Variants in APOO observed in about 807,000 individuals in gnomAD.
APOO encodes the protein apolipoprotein O.
In APOO, 11 loss-of-function variants were observed where a neutral mutation model predicts 23.1. That is an observed-to-expected ratio of 0.48 (90% CI 0.30 to 0.79). APOO has a LOEUF of 0.79. Among genes scored for constraint, APOO ranks in the 30% least tolerant of loss-of-function variants. The pLI, the probability that APOO is intolerant of heterozygous loss-of-function variation, is 0.07. For synonymous variants in APOO, 59 were observed against 54.8 expected (o/e 1.08, Z -0.34); for missense variants, 160 against 142.7 (o/e 1.12, Z -0.62).
At chrX:23,842,846 T>C (rs1924050849) in intron 7 of APOO, among the ~76,000 whole-genome samples, 1 of 111,339 alleles carries the variant, frequency 9.0e-6, no homozygotes, top group Non-Finnish European at 1.9e-5. Flanking sequence ...CCGTCTCTAC[T>C]AAAAATACAA....
intron 1 of APOO, among the ~76,000 whole-genome samples, chrX:23,893,261 CA>C (rs749472447): frequency 6.1e-4 from 45 of 74,052 alleles, no homozygotes; most frequent in Middle Eastern, 6.8e-3. Flanking sequence ...ACTAAAAATA[CA>C]AAAAAAAAAA....
intron 1 of APOO, among the ~76,000 whole-genome samples, chrX:23,889,523 G>C (rs1926530907): frequency 9.0e-6 from 1 of 110,756 alleles, no homozygotes; most frequent in East Asian, 2.8e-4. Context: ...TTTAAAAAAA[G>C]GGTGACTCTT....
intron 1 of APOO, among the ~76,000 whole-genome samples, chrX:23,897,522 C>G (rs761956877): frequency 1.6e-4 from 18 of 111,596 alleles, no homozygotes; most frequent in Non-Finnish European, 2.4e-4. Flanking sequence ...GTTTTTTTCT[C>G]TATTAGAATG....
At chrX:23,905,639 A>C (rs1439734044) in intron 1 of APOO, among the ~76,000 whole-genome samples, 1 of 111,558 alleles carries the variant, frequency 9.0e-6, no homozygotes, top group African/African-American at 3.3e-5. Flanking sequence ...TTTGGCCGTC[A>C]GTGAGTCCTA....
At chrX:23,892,997 A>G (rs946673250) in intron 1 of APOO, among the ~76,000 whole-genome samples, 2 of 110,753 alleles carry the variant, frequency 1.8e-5, no homozygotes, top group Non-Finnish European at 3.8e-5. Flanking sequence ...ATTCTAAGTA[A>G]CCAACACAAA....
intron 1 of APOO, among the ~76,000 whole-genome samples, chrX:23,898,187 C>A (rs940283565): frequency 1.4e-4 from 15 of 108,676 alleles, no homozygotes; most frequent in African/African-American, 5.0e-4. Flanking sequence ...CAGCCTCAAC[C>A]TCCTGGGCTC....
Position 23,907,751 on chromosome X carries a change from C to G in APOO, c.-49G>C. 1.7e-6 allele frequency: 2 copies of G among 1,154,494 alleles called. No homozygotes were observed. The highest frequency in any genetic ancestry group is 2.3e-6 in the Non-Finnish European group (2 of 866,986). On this transcript the variant is annotated 5_prime_UTR_variant, in exon 1 of 9. Transcript: ENST00000379226. ...CAGGGTCACCCCGGCCTCGGCCACG[C>G]CCACTATAGAGAGGTGACTACGGAG...
At chrX:23,857,092 G>A (rs1399545011) in intron 6 of APOO, among the ~76,000 whole-genome samples, 1 of 110,684 alleles carries the variant, frequency 9.0e-6, no homozygotes, top group Non-Finnish European at 1.9e-5. Context: ...ACTTGAGGGT[G>A]GAGGGTGAGA....
intron 7 of APOO, 147 bp from the exon 8 acceptor site, chrX:23,840,524 T>C (rs1336423514): frequency 1.2e-5 from 5 of 415,662 alleles, no homozygotes; most frequent in African/African-American, 1.0e-4. Flanking sequence ...TGGGGGGTTG[T>C]TGAAGAAAGG....
chrX:23,853,116 G>A (rs1303232327), intron 7 of APOO, among the ~76,000 whole-genome samples: 2 of 110,744 alleles, frequency 1.8e-5, no homozygotes, highest in African/African-American at 3.3e-5. Flanking sequence ...AAATTAGCTG[G>A]GTGTTGTGGT....
At chrX:23,895,476 C>G (rs1926856314) in intron 1 of APOO, among the ~76,000 whole-genome samples, 1 of 111,150 alleles carries the variant, frequency 9.0e-6, no homozygotes, top group Non-Finnish European at 1.9e-5. Flanking sequence ...GAACATCACA[C>G]ACTGGGGCCT....
intron 7 of APOO, among the ~76,000 whole-genome samples, chrX:23,846,543 A>G (rs1601885994): frequency 9.9e-6 from 1 of 100,711 alleles, no homozygotes; most frequent in East Asian, 3.2e-4. Flanking sequence ...AATTGCTTGA[A>G]CCCAGGAGGT....
chrX:23,861,985 G>A (rs1251809548), intron 5 of APOO, among the ~76,000 whole-genome samples: 3 of 109,337 alleles, frequency 2.7e-5, no homozygotes, highest in Non-Finnish European at 5.7e-5. Context: ...TGTATTTTTA[G>A]TAGAGATGGG....
chrX:23,876,018 C>T (rs1327404114), intron 3 of APOO, among the ~76,000 whole-genome samples: 2 of 110,112 alleles, frequency 1.8e-5, no homozygotes, highest in Admixed American at 9.8e-5. Context: ...AATCCCAGCA[C>T]TTTGGGAGGC....
chrX:23,854,063 A>C (rs1004517706), intron 7 of APOO, among the ~76,000 whole-genome samples: 4 of 112,369 alleles, frequency 3.6e-5, no homozygotes, highest in Non-Finnish European at 7.5e-5. Context: ...ACAGAGAGAA[A>C]TGCAAACCAA....
intron 1 of APOO, among the ~76,000 whole-genome samples, chrX:23,890,084 A>C (rs1926586810): frequency 8.9e-6 from 1 of 111,998 alleles, no homozygotes; most frequent in Non-Finnish European, 1.9e-5. Flanking sequence ...CCACCATTCC[A>C]CAAACATATG....
Position 23,883,186 on chromosome X carries a change from C to A in APOO, c.10-2234G>T, listed in dbSNP as rs190349809. Among the ~76,000 whole-genome samples the A allele has an allele frequency of 4.7e-4, 52 of 111,675 alleles. 1 individual carries two copies. The East Asian group carries it at 6.8e-3, about 15-fold the overall frequency. ...AGGGCTCCACCCCTGGGCCTGTGCCCACCAACCTAGGTGAGGACAGGCATT... is the reference window on the plus strand; with the variant it reads ...AGGGCTCCACCCCTGGGCCTGTGCCAACCAACCTAGGTGAGGACAGGCATT... On this transcript the variant is annotated intron_variant, in intron 1 of 8. Coordinates refer to ENST00000379226, the MANE Select transcript of APOO (RefSeq NM_024122.5).
intron 7 of APOO, among the ~76,000 whole-genome samples, chrX:23,848,196 ACT>A (rs1924345372): frequency 1.0e-5 from 1 of 96,642 alleles, no homozygotes; most frequent in Non-Finnish European, 2.1e-5. Flanking sequence ...ACAAAATCTC[ACT>A]CTGTCGCCCA....
chrX:23,878,040 C>T (rs753104745), intron 3 of APOO, among the ~76,000 whole-genome samples: 1 of 111,800 alleles, frequency 8.9e-6, no homozygotes, highest in Non-Finnish European at 1.9e-5. Context: ...AGAAACCAAT[C>T]TGTATATGTA....
Sources: allele counts gnomAD v4.1 joint callset (sites outside exome capture counted in the v4.1 genomes callset), GRCh38; gene constraint gnomAD v4.1.1; transcripts MANE v1.5; gene names NCBI Gene and HGNC (gene_info 2026-07-23, HGNC 2026-07-21).